Variants in KCNMB2 observed in about 807,000 individuals in gnomAD.
KCNMB2 encodes the protein potassium calcium-activated channel subfamily M regulatory beta subunit 2, also known as calcium-activated potassium channel subunit beta-2.
A neutral mutation model predicts 24.5 loss-of-function variants in KCNMB2; 9 were observed. The ratio of observed to expected loss-of-function variants is 0.37; its 90% CI spans 0.22 to 0.64. The LOEUF (loss-of-function observed/expected upper bound fraction) is 0.64. Among genes scored for constraint, KCNMB2 ranks in the 30% least tolerant of loss-of-function variants. The probability of loss-of-function intolerance (pLI) is 0.63; values close to 1 mark genes in which losing one functional copy is unlikely to be tolerated. For missense variants in KCNMB2, 226 were observed against 284.3 expected (o/e 0.79, Z 1.47); for synonymous variants, 109 against 104.4 (o/e 1.04, Z -0.27).
At chr3:178,688,254 A>G (rs947293844) in intron 1 of KCNMB2, among the ~76,000 whole-genome samples, 6 of 152,276 alleles carry the variant, frequency 3.9e-5, no homozygotes, top group African/African-American at 1.2e-4. Context: ...TTGCTACTTC[A>G]TCACTAGAAA....
intron 1 of KCNMB2, among the ~76,000 whole-genome samples, chr3:178,731,817 C>T (rs1230949312): frequency 6.6e-6 from 1 of 152,184 alleles, no homozygotes; most frequent in Non-Finnish European, 1.5e-5. Flanking sequence ...GCAGGAGAAT[C>T]GCTTGATCCC....
At chr3:178,840,765 C>T (rs1715399150) in intron 4 of KCNMB2, among the ~76,000 whole-genome samples, 1 of 152,218 alleles carries the variant, frequency 6.6e-6, no homozygotes, top group African/African-American at 2.4e-5. Context: ...CAGCAGGGCC[C>T]TAGGCCATTT....
intron 1 of KCNMB2, among the ~76,000 whole-genome samples, chr3:178,709,722 G>A (rs1230857008): frequency 6.6e-6 from 1 of 152,114 alleles, no homozygotes; most frequent in South Asian, 2.1e-4. Flanking sequence ...TGGAAGTTGA[G>A]AATTTTTAAA....
intron 1 of KCNMB2, among the ~76,000 whole-genome samples, chr3:178,659,227 A>C (rs1560152604): frequency 1.3e-5 from 2 of 152,252 alleles, no homozygotes; most frequent in Non-Finnish European, 2.9e-5. Context: ...AAATCACAGA[A>C]GCATTATATT....
chr3:178,682,205 T>C (rs748040646), intron 1 of KCNMB2, among the ~76,000 whole-genome samples: 2 of 152,230 alleles, frequency 1.3e-5, no homozygotes, highest in Non-Finnish European at 2.9e-5. Context: ...TGTTACTTAC[T>C]ATTGCTAAAT....
At chr3:178,757,355 T>TAA (rs1462898077) in intron 1 of KCNMB2, among the ~76,000 whole-genome samples, 2 of 79,610 alleles carry the variant, frequency 2.5e-5, no homozygotes, top group Non-Finnish European at 4.8e-5. Context: ...AGAGGATATA[T>TAA]ATATATATAT....
At chr3:178,707,075 T>C (rs576642087) in intron 1 of KCNMB2, among the ~76,000 whole-genome samples, 3 of 152,162 alleles carry the variant, frequency 2.0e-5, no homozygotes, top group African/African-American at 7.2e-5. Flanking sequence ...CATTTGCAAG[T>C]GCAAGTGGAG....
intron 1 of KCNMB2, among the ~76,000 whole-genome samples, chr3:178,704,245 A>G (rs1421471303): frequency 1.1e-4 from 17 of 152,050 alleles, no homozygotes; most frequent in Admixed American, 1.1e-3. Context: ...GTTCAAACTC[A>G]TCGTGGCAGC....
Position 178,655,095 on chromosome 3 carries a change from CCTCTCTCTCTCTCTCT to C in KCNMB2, c.-68+118417_-68+118432del, listed in dbSNP as rs67468527. ...TAAAGTTCAGTAAATATTAGCTCTC[CCTCTCTCTCTCTCTCT>C]CTCTCTCTCTCTCTCTCTCTCTCTC... is the stretch of plus-strand genomic sequence containing the variant. On this transcript the variant is annotated intron_variant, in intron 1 of 4. Coordinates refer to ENST00000452583, the MANE Select transcript of KCNMB2 (RefSeq NM_181361.3). Among the ~76,000 whole-genome samples, 181 of 111,138 alleles carry C rather than the reference CCTCTCTCTCTCTCTCT, an allele frequency of 1.6e-3. No individual in the cohort carries two copies. The Middle Eastern group carries it at 0.026, about 16-fold the overall frequency. The allele number at this position is 111,138 out of a possible 152,430, so 72.9% of individuals were successfully genotyped here. A position where few individuals can be genotyped will look rare whatever the true frequency, so the allele number is the denominator to read the frequency against.
intron 1 of KCNMB2, among the ~76,000 whole-genome samples, chr3:178,659,299 T>C (rs1417832517): frequency 1.3e-5 from 2 of 152,198 alleles, no homozygotes; most frequent in African/African-American, 4.8e-5. Context: ...GACAAAACAT[T>C]TGTGAAGAAC....
At chr3:178,632,392 C>T (rs981267195) in intron 1 of KCNMB2, among the ~76,000 whole-genome samples, 7 of 152,166 alleles carry the variant, frequency 4.6e-5, no homozygotes, top group Non-Finnish European at 8.8e-5. Context: ...ATTTAATTGA[C>T]TCATGTCTCA....
At position 178,783,136 on chromosome 3, in the gene KCNMB2, G is replaced by A. The variant is rs972506082; in HGVS notation, c.-67-24207G>A. Among the ~76,000 whole-genome samples the A allele has an allele frequency of 3.2e-4, 48 of 152,136 alleles. No individual in the cohort carries two copies. The South Asian group carries it at 5.6e-3, about 18-fold the overall frequency. ...GCGTTATTTCTGAGGGCTCTGTTCT[G>A]TTCCACTGATCTATATCTCTGTTTT... is the stretch of plus-strand genomic sequence containing the variant. On this transcript the variant is annotated intron_variant, in intron 1 of 4. Coordinates refer to ENST00000452583, the MANE Select transcript of KCNMB2 (RefSeq NM_181361.3).
intron 1 of KCNMB2, among the ~76,000 whole-genome samples, chr3:178,781,893 A>C: frequency 2.1e-5 from 3 of 140,446 alleles, no homozygotes; most frequent in Non-Finnish European, 3.1e-5. Context: ...GCACCCACTA[A>C]CTCGTCATCT....
At chr3:178,594,436 A>G (rs1488159365) in intron 1 of KCNMB2, among the ~76,000 whole-genome samples, 3 of 152,094 alleles carry the variant, frequency 2.0e-5, no homozygotes, top group African/African-American at 7.2e-5. Context: ...AACTAGAAGC[A>G]ATAGGATTTG....
Position 178,553,728 on chromosome 3 carries a change from T to C in KCNMB2, c.-68+17017T>C, listed in dbSNP as rs375327167. On this transcript the variant is annotated intron_variant, in intron 1 of 4. Coordinates refer to ENST00000452583, the MANE Select transcript of KCNMB2 (RefSeq NM_181361.3). ...ATAATTTTTGTATTTTTAGTAGAGA[T>C]GGGGTTTCACCATGTTGGCCAGGCT... 8.5e-5 allele frequency among the ~76,000 whole-genome samples: 13 copies of C among 152,050 alleles called. 1 individual carries two copies. The highest frequency in any genetic ancestry group is 2.9e-4 in the African/African-American group (12 of 41,492).
chr3:178,741,577 C>T (rs1372139199), intron 1 of KCNMB2, among the ~76,000 whole-genome samples: 3 of 152,170 alleles, frequency 2.0e-5, no homozygotes, highest in Non-Finnish European at 4.4e-5. Flanking sequence ...AGATTCCTCT[C>T]CCCACAATCC....
At position 178,561,627 on chromosome 3, in the gene KCNMB2, C is replaced by T. The variant is rs551579599; in HGVS notation, c.-68+24916C>T. On this transcript the variant is annotated intron_variant, in intron 1 of 4. Transcript: ENST00000452583. The stretch of plus-strand genomic sequence containing the variant: ...GTGCTGCATTAGATTCCAATGTTAG[C>T]GTAGTTGGAAATGCTCACTTCACAA... Among the ~76,000 whole-genome samples the T allele has an allele frequency of 2.0e-5, 3 of 152,254 alleles. 1 individual carries two copies. In the East Asian group the frequency reaches 5.8e-4, roughly 29 times the overall value.
chr3:178,549,113 A>C (rs1715860856), intron 1 of KCNMB2, among the ~76,000 whole-genome samples: 1 of 152,200 alleles, frequency 6.6e-6, no homozygotes, highest in African/African-American at 2.4e-5. Context: ...TTTCTTTAAA[A>C]TAATGTTGTA....
intron 1 of KCNMB2, among the ~76,000 whole-genome samples, chr3:178,539,302 T>G (rs932764742): frequency 3.3e-5 from 5 of 152,228 alleles, no homozygotes; most frequent in African/African-American, 1.2e-4. Context: ...GTATATAATT[T>G]TGTTAATGCA....
Sources: allele counts gnomAD v4.1 joint callset (sites outside exome capture counted in the v4.1 genomes callset), GRCh38; gene constraint gnomAD v4.1.1; transcripts MANE v1.5; gene names NCBI Gene and HGNC (gene_info 2026-07-23, HGNC 2026-07-21).